ZCCHC7: variants seen among roughly 807,000 people sequenced by gnomAD.
ZCCHC7 encodes the protein zinc finger CCHC domain-containing protein 7.
A neutral mutation model predicts 52.0 loss-of-function variants in ZCCHC7; 35 were observed. That is an observed-to-expected ratio of 0.67 (90% CI 0.51 to 0.89). The LOEUF (loss-of-function observed/expected upper bound fraction) is 0.89. ZCCHC7 is among the 40% of genes least tolerant of loss of function. ZCCHC7 has a pLI of 0.00. For missense variants in ZCCHC7, 574 were observed against 649.1 expected (o/e 0.88, Z 1.26); for synonymous variants, 217 against 221.5 (o/e 0.98, Z 0.18).
chr9:37,230,685 T>C lies in ZCCHC7; in HGVS notation c.611-71503T>C, dbSNP rs1825358692. Among the ~76,000 whole-genome samples, 2 of 152,196 alleles carry C rather than the reference T, an allele frequency of 1.3e-5. 1 individual carries two copies. The highest frequency in any genetic ancestry group is 4.1e-4 in the South Asian group (2 of 4,824). ...TGAGAATAGGAATTTTTGTTTCTCC[T>C]CTGTTGCGATATTGCAGATCCTAGA... On this transcript the variant is annotated intron_variant, in intron 2 of 8. Transcript: ENST00000336755.
Position 37,316,733 on chromosome 9 carries a change from A to T in ZCCHC7, c.951+11019A>T, listed in dbSNP as rs574996452. On this transcript the variant is annotated intron_variant, in intron 5 of 8. Transcript: ENST00000336755. Reference sequence around the variant, plus strand: ...CTCTTCACAGGTCTCTGTAATTGTAACTCTTTCCCTGTTCTTAACAAACCA... The same window carrying T: ...CTCTTCACAGGTCTCTGTAATTGTATCTCTTTCCCTGTTCTTAACAAACCA... Among the ~76,000 whole-genome samples the T allele has an allele frequency of 1.9e-4, 29 of 152,116 alleles. No individual in the cohort carries two copies. The South Asian group carries it at 5.8e-3, about 30-fold the overall frequency.
At chr9:37,259,366 CTT>C (rs1826752775) in intron 2 of ZCCHC7, among the ~76,000 whole-genome samples, 1 of 152,064 alleles carries the variant, frequency 6.6e-6, no homozygotes, top group East Asian at 1.9e-4. Flanking sequence ...TTAATCATGA[CTT>C]TCTGGCTCTT....
intron 2 of ZCCHC7, among the ~76,000 whole-genome samples, chr9:37,165,820 A>G (rs1821387611): frequency 6.6e-6 from 1 of 152,252 alleles, no homozygotes; most frequent in African/African-American, 2.4e-5. Flanking sequence ...AAACAGAACT[A>G]ACATCAGAAT....
intron 2 of ZCCHC7, among the ~76,000 whole-genome samples, chr9:37,151,387 A>C (rs1343012422): frequency 6.6e-6 from 1 of 152,150 alleles, no homozygotes; most frequent in African/African-American, 2.4e-5. Flanking sequence ...ACTTCATTTT[A>C]CTTTGAGTTT....
intron 2 of ZCCHC7, among the ~76,000 whole-genome samples, chr9:37,280,589 A>G (rs1285677558): frequency 6.7e-6 from 1 of 148,752 alleles, no homozygotes; most frequent in Non-Finnish European, 1.5e-5. Flanking sequence ...TCTGATCACA[A>G]TAGAATTAGA....
chr9:37,293,299 G>A (rs1828623717), intron 2 of ZCCHC7, among the ~76,000 whole-genome samples: 1 of 152,128 alleles, frequency 6.6e-6, no homozygotes, highest in Admixed American at 6.5e-5. Flanking sequence ...CAAGGAACAA[G>A]TAAGCAGAGA....
intron 1 of ZCCHC7, among the ~76,000 whole-genome samples, chr9:37,122,604 T>G (rs751974845): frequency 4.6e-5 from 7 of 152,160 alleles, no homozygotes; most frequent in Admixed American, 1.3e-4. Flanking sequence ...TGAAGGAAGG[T>G]TTTTCTTCAA....
intron 7 of ZCCHC7, among the ~76,000 whole-genome samples, chr9:37,353,963 C>G (rs2118682502): frequency 6.6e-6 from 1 of 152,196 alleles, no homozygotes; most frequent in African/African-American, 2.4e-5. Context: ...CAAAAGCCTG[C>G]TATGTGGTGA....
intron 2 of ZCCHC7, among the ~76,000 whole-genome samples, chr9:37,232,381 C>T (rs1288850005): frequency 2.0e-5 from 3 of 152,188 alleles, no homozygotes; most frequent in Non-Finnish European, 4.4e-5. Flanking sequence ...TTGTACTCCC[C>T]CTCACCCTCA....
intron 2 of ZCCHC7, among the ~76,000 whole-genome samples, chr9:37,281,840 T>A (rs1193506607): frequency 6.6e-6 from 1 of 152,242 alleles, no homozygotes; most frequent in Non-Finnish European, 1.5e-5. Flanking sequence ...TTGAGAACTC[T>A]ATCATAAAAC....
At position 37,126,922 on chromosome 9, in the gene ZCCHC7, G is replaced by A. The variant is rs908382703; in HGVS notation, c.590G>A (p.Cys197Tyr). The change falls in exon 2 of 9, where the codon TGT (cysteine) becomes TAT (tyrosine). Residue 197 changes from cysteine (C) to tyrosine (Y), a missense_variant. By Grantham distance (194) the Cys-to-Tyr change is radical. Around this residue, in one of 3 missense-constraint regions of ZCCHC7, gnomAD observed 403 missense variants for 461.2 expected, o/e 0.87. Transcript: ENST00000336755. ...GATATCCTTCTCAACCTTGTGGGATGTGAAAACTCTGTTACTGAAGGTTAG... is the reference window on the plus strand; with the variant it reads ...GATATCCTTCTCAACCTTGTGGGATATGAAAACTCTGTTACTGAAGGTTAG... ...DDDILLNLVG[C>Y]ENSVTEGEDG... 1 of 1,613,742 alleles carries A rather than the reference G, an allele frequency of 6.2e-7. No individual in the cohort carries two copies.
At chr9:37,187,276 G>A (rs1822713120) in intron 2 of ZCCHC7, among the ~76,000 whole-genome samples, 1 of 152,170 alleles carries the variant, frequency 6.6e-6, no homozygotes, top group Non-Finnish European at 1.5e-5. Context: ...CATGGACAGG[G>A]GTCGGGGGAT....
intron 2 of ZCCHC7, among the ~76,000 whole-genome samples, chr9:37,182,349 T>TC (rs1484151758): frequency 6.6e-6 from 1 of 151,028 alleles, no homozygotes; most frequent in Non-Finnish European, 1.5e-5. Flanking sequence ...TATTTTTTTT[T>TC]CTTTTTTTCT....
intron 2 of ZCCHC7, among the ~76,000 whole-genome samples, chr9:37,203,526 A>G (rs563946357): frequency 2.0e-5 from 3 of 151,722 alleles, no homozygotes; most frequent in Non-Finnish European, 2.9e-5. Context: ...TCGTTATTCA[A>G]CTCCCACTTA....
intron 2 of ZCCHC7, among the ~76,000 whole-genome samples, chr9:37,141,945 T>C (rs1843245813): frequency 6.6e-6 from 1 of 151,832 alleles, no homozygotes; most frequent in Non-Finnish European, 1.5e-5. Context: ...AATTTAGTTA[T>C]TGTTAGAAGT....
intron 3 of ZCCHC7, 33 bp downstream of exon 3, chr9:37,302,264 A>G (rs1463741781): frequency 7.1e-6 from 11 of 1,538,590 alleles, no homozygotes; most frequent in Non-Finnish European, 9.0e-6. Context: ...ATTCAGAATA[A>G]TAATTTCCTT....
intron 2 of ZCCHC7, among the ~76,000 whole-genome samples, chr9:37,238,436 G>A (rs1825745506): frequency 6.6e-6 from 1 of 152,042 alleles, no homozygotes; most frequent in Non-Finnish European, 1.5e-5. Context: ...TCCTTTAACA[G>A]AAGTATATTT....
intron 2 of ZCCHC7, among the ~76,000 whole-genome samples, chr9:37,267,453 G>T (rs1245948508): frequency 2.0e-5 from 3 of 151,968 alleles, no homozygotes; most frequent in Admixed American, 1.3e-4. Flanking sequence ...AGCCTGGAAT[G>T]AAGTGGCATG....
chr9:37,207,846 T>C (rs1387740361), intron 2 of ZCCHC7, among the ~76,000 whole-genome samples: 1 of 152,234 alleles, frequency 6.6e-6, no homozygotes, highest in Non-Finnish European at 1.5e-5. Flanking sequence ...TGTGATTTCC[T>C]ATCTGTTTAA....
Sources: gnomAD v4.1 joint callset for allele counts (sites outside exome capture counted in the v4.1 genomes callset) on GRCh38, gnomAD v4.1.1 for gene constraint, gnomAD v4.1.1 regional missense constraint, MANE v1.5 for transcripts, NCBI Gene and HGNC (gene_info 2026-07-23, HGNC 2026-07-21) for gene names.